Variants in ADAM2 observed in about 807,000 individuals in gnomAD.
ADAM2 encodes the protein ADAM metallopeptidase domain 2.
In ADAM2, 101 loss-of-function variants were observed where a neutral mutation model predicts 99.3. The ratio of observed to expected loss-of-function variants is 1.02; its 90% CI spans 0.87 to 1.20. The LOEUF (loss-of-function observed/expected upper bound fraction) is 1.20, where lower values mean the gene tolerates loss of function less well. Ranked by LOEUF, ADAM2 falls within the 50% of genes most tolerant of loss-of-function variation. ADAM2 has a pLI of 0.00. For synonymous variants in ADAM2, 323 were observed against 287.6 expected, an observed-to-expected ratio of 1.12 and a Z score of -1.25; for missense variants, 948 against 878.7, an observed-to-expected ratio of 1.08 and a Z score of -1.00.
At position 39,766,985 on chromosome 8, in the gene ADAM2, T is replaced by C; in HGVS notation, c.1370A>G (p.Tyr457Cys). 6.2e-7 allele frequency: 1 copy of C among 1,614,170 alleles called. No homozygotes were observed. The highest frequency in any genetic ancestry group is 8.5e-7 in the Non-Finnish European group (1 of 1,180,030). Reference sequence around the variant, plus strand: ...GCATGATGCAGATGATCCATTGCAATATTCAGGGAGGTCGCATTCTTCAAA... The same window carrying C: ...GCATGATGCAGATGATCCATTGCAACATTCAGGGAGGTCGCATTCTTCAAA... ...PSFEECDLPEYCNGSSASCPE... is the reference protein window; with the variant it reads ...PSFEECDLPECCNGSSASCPE... The change falls in exon 14 of 21, where the codon TAT (tyrosine) becomes TGT (cysteine). Residue 457 changes from tyrosine to cysteine, a missense_variant. Transcript: ENST00000265708.
At chr8:39,788,886 C>T (rs994673803) in intron 7 of ADAM2, 146 bp from the exon 8 acceptor site, 2 of 444,916 alleles carry the variant, frequency 4.5e-6, no homozygotes, top group African/African-American at 2.1e-5. Context: ...TTTTCTTATA[C>T]AAATTATATG....
intron 15 of ADAM2, among the ~76,000 whole-genome samples, chr8:39,758,185 A>T (rs1802219911): frequency 6.6e-6 from 1 of 152,152 alleles, no homozygotes; most frequent in Non-Finnish European, 1.5e-5. Flanking sequence ...GCATATATGA[A>T]ATGCATGTTC....
chr8:39,762,193 T>C (rs1024552640), intron 14 of ADAM2, among the ~76,000 whole-genome samples: 2 of 152,202 alleles, frequency 1.3e-5, no homozygotes, highest in Admixed American at 6.5e-5. Context: ...CAGGGAGACT[T>C]AACCACTACA....
chr8:39,808,571 G>A (rs1383870139), intron 7 of ADAM2, among the ~76,000 whole-genome samples: 1 of 152,212 alleles, frequency 6.6e-6, no homozygotes, highest in Non-Finnish European at 1.5e-5. Context: ...GGATAAGGTG[G>A]TCTTAAATGG....
chr8:39,752,699 C>A (rs1172571411), intron 16 of ADAM2, among the ~76,000 whole-genome samples: 1 of 152,048 alleles, frequency 6.6e-6, no homozygotes, highest in Non-Finnish European at 1.5e-5. Context: ...ATGGGAGAGA[C>A]CTGGTGGGAG....
intron 6 of ADAM2, among the ~76,000 whole-genome samples, chr8:39,811,662 A>G (rs1473857687): frequency 6.6e-6 from 1 of 152,200 alleles, no homozygotes; most frequent in East Asian, 1.9e-4. Context: ...TATAAACAGA[A>G]CCAAAGACAA....
At chr8:39,824,428 G>A (rs1053578608) in intron 4 of ADAM2, among the ~76,000 whole-genome samples, 3 of 152,028 alleles carry the variant, frequency 2.0e-5, no homozygotes, top group African/African-American at 7.2e-5. Flanking sequence ...TCCTAAACGT[G>A]TGTGAAACTT....
At chr8:39,823,782 ACTACT>A (rs1805291786) in intron 4 of ADAM2, among the ~76,000 whole-genome samples, 1 of 152,112 alleles carries the variant, frequency 6.6e-6, no homozygotes, top group Admixed American at 6.5e-5. Context: ...ATTTATATAG[ACTACT>A]CTATAACTGA....
chr8:39,785,544 C>T (rs1178225851), intron 10 of ADAM2, among the ~76,000 whole-genome samples: 1 of 152,080 alleles, frequency 6.6e-6, no homozygotes, highest in Non-Finnish European at 1.5e-5. Flanking sequence ...TAAGTCAATC[C>T]CAGCACTTTG....
At chr8:39,802,924 A>T (rs959177232) in intron 7 of ADAM2, among the ~76,000 whole-genome samples, 6 of 152,140 alleles carry the variant, frequency 3.9e-5, no homozygotes, top group Non-Finnish European at 7.3e-5. Context: ...GAACCTCTAT[A>T]ACCAAGAATT....
At chr8:39,758,575 T>G (rs433539) in intron 15 of ADAM2, among the ~76,000 whole-genome samples, 2 of 149,326 alleles carry the variant, frequency 1.3e-5, no homozygotes, top group East Asian at 2.0e-4. Flanking sequence ...AAAAAAAATT[T>G]AAAAAAAAAA....
At chr8:39,776,875 C>G in intron 11 of ADAM2, 150 bp downstream of exon 11, 1 of 542,540 alleles carries the variant, frequency 1.8e-6, no homozygotes, top group Non-Finnish European at 3.2e-6. Context: ...GATAAATATG[C>G]ATCGTGGGCA....
At chr8:39,777,675 G>A (rs1208659701) in intron 10 of ADAM2, among the ~76,000 whole-genome samples, 3 of 151,920 alleles carry the variant, frequency 2.0e-5, no homozygotes, top group African/African-American at 7.2e-5. Context: ...AAATATGTGA[G>A]TGGAATTGAA....
chr8:39,808,504 T>C (rs1804544624), intron 7 of ADAM2, among the ~76,000 whole-genome samples: 1 of 152,208 alleles, frequency 6.6e-6, no homozygotes, highest in African/African-American at 2.4e-5. Flanking sequence ...CTTCCCAAAT[T>C]GATCTATAGA....
intron 16 of ADAM2, among the ~76,000 whole-genome samples, chr8:39,753,741 G>A (rs571505433): frequency 6.6e-6 from 1 of 152,166 alleles, no homozygotes; most frequent in South Asian, 2.1e-4. Flanking sequence ...GCAAGTAATA[G>A]TAAATCCACC....
intron 3 of ADAM2, among the ~76,000 whole-genome samples, chr8:39,833,030 T>C (rs1805679524): frequency 6.6e-6 from 1 of 152,160 alleles, no homozygotes; most frequent in African/African-American, 2.4e-5. Context: ...AAATACTGTA[T>C]CTGTGATGCA....
At chr8:39,778,631 A>T (rs1002681873) in intron 10 of ADAM2, among the ~76,000 whole-genome samples, 2 of 152,094 alleles carry the variant, frequency 1.3e-5, no homozygotes, top group Non-Finnish European at 2.9e-5. Context: ...TTTTAAATGT[A>T]TCATCTGCTT....
chr8:39,766,457 T>C (rs1303826904), intron 14 of ADAM2, among the ~76,000 whole-genome samples: 1 of 151,998 alleles, frequency 6.6e-6, no homozygotes, highest in Non-Finnish European at 1.5e-5. Context: ...TTTTTTCTTT[T>C]GAGGTGGAGT....
At chr8:39,825,462 C>G (rs1277012735) in intron 3 of ADAM2, among the ~76,000 whole-genome samples, 1 of 151,850 alleles carries the variant, frequency 6.6e-6, no homozygotes, top group Non-Finnish European at 1.5e-5. Context: ...TAATGCACCC[C>G]AAGCATTAGT....
Sources: allele counts gnomAD v4.1 joint callset (sites outside exome capture counted in the v4.1 genomes callset), GRCh38; gene constraint gnomAD v4.1.1; transcripts MANE v1.5; gene names NCBI Gene and HGNC (gene_info 2026-07-23, HGNC 2026-07-21).